ATAD2B: variants seen among roughly 807,000 people sequenced by gnomAD.
The protein encoded by ATAD2B is ATPase family AAA domain-containing protein 2B.
A neutral mutation model predicts 167.6 loss-of-function variants in ATAD2B; 40 were observed. The ratio of observed to expected loss-of-function variants is 0.24; its 90% CI spans 0.19 to 0.31. The LOEUF is 0.31. ATAD2B is among the 10% of genes least tolerant of loss of function. The probability of loss-of-function intolerance (pLI) is 1.00; values close to 1 mark genes in which losing one functional copy is unlikely to be tolerated. For synonymous variants in ATAD2B, 579 were observed against 596.5 expected, an observed-to-expected ratio of 0.97 and a Z score of 0.43; for missense variants, 1,242 against 1,757.2, an observed-to-expected ratio of 0.71 and a Z score of 5.24.
chr2:23,924,484 C>G (rs930826012), intron 1 of ATAD2B, among the ~76,000 whole-genome samples: 1 of 152,110 alleles, frequency 6.6e-6, no homozygotes, highest in Non-Finnish European at 1.5e-5. Context: ...CAACCTGCTT[C>G]ATAAATATAT....
chr2:23,853,766 A>G (rs1299056890), intron 13 of ATAD2B, among the ~76,000 whole-genome samples: 1 of 152,228 alleles, frequency 6.6e-6, no homozygotes, highest in Non-Finnish European at 1.5e-5. Context: ...ACAAATTTGG[A>G]GGACTTATAC....
chr2:23,733,467 A>G, the ATAD2B span, among the ~76,000 whole-genome samples: 1 of 152,208 alleles, frequency 6.6e-6, no homozygotes, highest in Admixed American at 6.5e-5. Context: ...TCACTTCAAA[A>G]GCTGCCTAAG....
intron 12 of ATAD2B, among the ~76,000 whole-genome samples, chr2:23,861,385 A>T (rs1003851309): frequency 6.6e-6 from 1 of 151,918 alleles, no homozygotes; most frequent in Non-Finnish European, 1.5e-5. Flanking sequence ...TTTCTGACAT[A>T]GAAGGCCACT....
At chr2:23,885,243 T>C (rs1426136083) in intron 5 of ATAD2B, among the ~76,000 whole-genome samples, 1 of 152,138 alleles carries the variant, frequency 6.6e-6, no homozygotes, top group African/African-American at 2.4e-5. Flanking sequence ...CCTTTTGTTA[T>C]GGGGTAAAGG....
In ATAD2B at chr2:23,888,719, C is replaced by G. The variant is rs185918998; in HGVS notation, c.369-320G>C. 2.0e-5 allele frequency among the ~76,000 whole-genome samples: 3 copies of G among 152,208 alleles called. No individual in the cohort carries two copies. The East Asian group carries it at 5.8e-4, about 29-fold the overall frequency. Reference sequence around the variant, plus strand: ...AACTGAGACCATGAGTAGCAGGGGTCACAGGCATTACCTATTGGTTTTGGT... The same window carrying G: ...AACTGAGACCATGAGTAGCAGGGGTGACAGGCATTACCTATTGGTTTTGGT... On this transcript the variant is annotated intron_variant, in intron 2 of 27. Coordinates refer to ENST00000238789, the MANE Select transcript of ATAD2B (RefSeq NM_017552.4).
intron 9 of ATAD2B, among the ~76,000 whole-genome samples, 173 bp from the exon 10 acceptor site, chr2:23,868,119 G>A (rs2150078212): frequency 6.6e-6 from 1 of 151,844 alleles, no homozygotes; most frequent in South Asian, 2.1e-4. Flanking sequence ...TCTTGTCAAT[G>A]GCCAAAAATT....
downstream of ATAD2B, among the ~76,000 whole-genome samples, chr2:23,748,109 T>C (rs1340345164): frequency 6.6e-6 from 1 of 152,178 alleles, no homozygotes; most frequent in African/African-American, 2.4e-5. Context: ...CCATCTTTTT[T>C]ACTGTGATTC....
At chr2:23,816,757 A>C (rs1686514434) in intron 17 of ATAD2B, among the ~76,000 whole-genome samples, 5 of 152,188 alleles carry the variant, frequency 3.3e-5, no homozygotes, top group Admixed American at 3.3e-4. Flanking sequence ...CATTTGAAAA[A>C]CCTCAGAAAA....
the ATAD2B span, among the ~76,000 whole-genome samples, chr2:23,686,763 C>T: frequency 6.6e-6 from 1 of 152,036 alleles, no homozygotes. Context: ...GGAACTGAAC[C>T]CAGAGAGGTC....
chr2:23,711,122 A>G, the ATAD2B span, among the ~76,000 whole-genome samples: 1 of 152,208 alleles, frequency 6.6e-6, no homozygotes, highest in Admixed American at 6.5e-5. Flanking sequence ...ATAAAGATAT[A>G]TAAGATATAC....
chr2:23,822,238 T>A, intron 16 of ATAD2B, among the ~76,000 whole-genome samples: 1 of 152,174 alleles, frequency 6.6e-6, no homozygotes. Flanking sequence ...TGACCTTATA[T>A]TAATTAAATT....
intron 12 of ATAD2B, among the ~76,000 whole-genome samples, chr2:23,860,861 C>A (rs1351788058): frequency 6.6e-6 from 1 of 152,162 alleles, no homozygotes; most frequent in Non-Finnish European, 1.5e-5. Context: ...ATCCCAGCTA[C>A]TTGGGAGACT....
At chr2:23,698,645 A>T in the ATAD2B span, among the ~76,000 whole-genome samples, 3 of 152,208 alleles carry the variant, frequency 2.0e-5, no homozygotes, top group Non-Finnish European at 4.4e-5. Flanking sequence ...ACAATAGACA[A>T]ACCTGTATTA....
the ATAD2B span, chr2:23,697,866 C>T: frequency 1.3e-5 from 2 of 152,226 alleles, no homozygotes; most frequent in African/African-American, 4.8e-5. Context: ...GGCTTCCGAT[C>T]ATTTGTCATC....
At chr2:23,704,514 C>T in the ATAD2B span, among the ~76,000 whole-genome samples, 2 of 152,242 alleles carry the variant, frequency 1.3e-5, no homozygotes, top group African/African-American at 4.8e-5. Flanking sequence ...CACCTGTAAT[C>T]CCAGCACTTT....
the ATAD2B span, among the ~76,000 whole-genome samples, chr2:23,739,957 T>C: frequency 6.6e-6 from 1 of 152,110 alleles, no homozygotes; most frequent in Non-Finnish European, 1.5e-5. Flanking sequence ...CTAGAAGAAA[T>C]GGATAAATTC....
chr2:23,832,725 C>T (rs553799413), intron 14 of ATAD2B: 1 of 152,636 alleles, frequency 6.6e-6, no homozygotes, highest in African/African-American at 2.4e-5. Context: ...GGCATATAGA[C>T]TCTGAGGCCT....
At chr2:23,720,178 G>C in the ATAD2B span, among the ~76,000 whole-genome samples, 1 of 152,172 alleles carries the variant, frequency 6.6e-6, no homozygotes, top group African/African-American at 2.4e-5. Context: ...CCACAAGAAA[G>C]GGCAAAAACA....
At position 23,798,219 on chromosome 2, in the gene ATAD2B, T is replaced by C. The variant is rs561104053; in HGVS notation, c.2559A>G (p.Thr853=). The C allele has an allele frequency of 6.2e-7, 1 of 1,608,752 alleles. No individual in the cohort carries two copies. The highest frequency in any genetic ancestry group is 2.2e-5 in the East Asian group (1 of 44,806). ...VSETVRATFL[T]LLQDIPSFSP... ...AAAATGATGGTATATCTTGTAGCAA[T>C]GTCAGAAAAGTTGCTCTCACAGTTT... Residue 853 remains threonine, a synonymous_variant, in exon 19 of 28, where the codon ACA becomes ACG. Coordinates refer to ENST00000238789, the MANE Select transcript of ATAD2B (RefSeq NM_017552.4).
Sources: gnomAD v4.1 joint callset for allele counts (sites outside exome capture counted in the v4.1 genomes callset) on GRCh38, gnomAD v4.1.1 for gene constraint, MANE v1.5 for transcripts, NCBI Gene and HGNC (gene_info 2026-07-23, HGNC 2026-07-21) for gene names.